TANC2: variants seen among roughly 807,000 people sequenced by gnomAD.
The protein encoded by TANC2 is protein TANC2.
TANC2 carries 26 observed loss-of-function variants against 210.5 expected under a neutral mutation model. The ratio of observed to expected loss-of-function variants is 0.12; its 90% CI spans 0.09 to 0.17. The LOEUF (loss-of-function observed/expected upper bound fraction) is 0.17, where lower values mean the gene tolerates loss of function less well. Ranked by LOEUF, TANC2 falls within the 10% of genes least tolerant of loss-of-function variation. The probability of loss-of-function intolerance (pLI) is 1.00; values close to 1 mark genes in which losing one functional copy is unlikely to be tolerated. For missense variants in TANC2, 2,129 were observed against 2,608.9 expected (o/e 0.82, Z 4.01); for synonymous variants, 931 against 967.1 (o/e 0.96, Z 0.69).
chr17:63,106,357 A>G (rs1393088236), intron 4 of TANC2, among the ~76,000 whole-genome samples: 2 of 151,684 alleles, frequency 1.3e-5, no homozygotes, highest in Non-Finnish European at 2.9e-5. Flanking sequence ...TGAATATAGT[A>G]AAGAATGTTG....
chr17:63,410,860 CAAAAAAAAAAAAAAAA>C (rs34268418), intron 21 of TANC2, among the ~76,000 whole-genome samples: 1 of 38,994 alleles, frequency 2.6e-5, no homozygotes, highest in Non-Finnish European at 4.3e-5. Context: ...GACTCCATCT[CAAAAAAAAAAAAAAAA>C]AAAAAAAAAA....
intron 9 of TANC2, among the ~76,000 whole-genome samples, chr17:63,274,295 G>C (rs1472555049): frequency 6.6e-6 from 1 of 151,962 alleles, no homozygotes; most frequent in African/African-American, 2.4e-5. Context: ...CGGCCCAACG[G>C]GGGAGAGGTC....
intron 2 of TANC2, among the ~76,000 whole-genome samples, chr17:63,012,450 A>G (rs1267929392): frequency 6.6e-6 from 1 of 152,128 alleles, no homozygotes; most frequent in Non-Finnish European, 1.5e-5. Flanking sequence ...TATTTAATTG[A>G]TATGTTTACC....
intron 5 of TANC2, among the ~76,000 whole-genome samples, chr17:63,166,382 A>G (rs1448777530): frequency 6.6e-6 from 1 of 152,184 alleles, no homozygotes; most frequent in African/African-American, 2.4e-5. Context: ...TGTCTAAGTT[A>G]TGTACGATTA....
At chr17:63,044,330 T>C (rs2035298398) in intron 2 of TANC2, among the ~76,000 whole-genome samples, 1 of 152,186 alleles carries the variant, frequency 6.6e-6, no homozygotes, top group African/African-American at 2.4e-5. Flanking sequence ...TTGTTTAGTA[T>C]TGTGTGTTTT....
chr17:63,209,464 C>T (rs558145529), intron 7 of TANC2, among the ~76,000 whole-genome samples: 1 of 152,210 alleles, frequency 6.6e-6, no homozygotes, highest in Admixed American at 6.5e-5. Flanking sequence ...GATGGAGTCT[C>T]ACAGTGTAGC....
intron 4 of TANC2, among the ~76,000 whole-genome samples, chr17:63,114,632 G>A (rs887085110): frequency 3.9e-5 from 6 of 152,018 alleles, no homozygotes; most frequent in African/African-American, 4.8e-5. Context: ...TAGAGATTTC[G>A]TATGTACATC....
chr17:63,129,809 G>A (rs2038851325), intron 4 of TANC2, among the ~76,000 whole-genome samples: 1 of 152,000 alleles, frequency 6.6e-6, no homozygotes, highest in Non-Finnish European at 1.5e-5. Context: ...GAAATTGTGT[G>A]CATATGATGA....
chr17:63,165,183 A>G (rs1401453727), intron 5 of TANC2, among the ~76,000 whole-genome samples: 1 of 151,984 alleles, frequency 6.6e-6, no homozygotes, highest in Non-Finnish European at 1.5e-5. Context: ...CTGAGGCAGG[A>G]GGAACGCTTC....
At chr17:63,054,519 G>A (rs943510997) in intron 2 of TANC2, among the ~76,000 whole-genome samples, 1 of 151,122 alleles carries the variant, frequency 6.6e-6, no homozygotes, top group Non-Finnish European at 1.5e-5. Context: ...TTACAGGCAT[G>A]TGCCACCATG....
intron 5 of TANC2, among the ~76,000 whole-genome samples, chr17:63,162,800 GAAGA>G (rs756304985): frequency 7.9e-5 from 12 of 152,028 alleles, no homozygotes; most frequent in Non-Finnish European, 1.5e-4. Context: ...ATTGAGATTT[GAAGA>G]AAGAGAAGAA....
chr17:63,348,545 G>A (rs768284674), intron 12 of TANC2, among the ~76,000 whole-genome samples: 29 of 152,008 alleles, frequency 1.9e-4, no homozygotes, highest in Non-Finnish European at 3.2e-4. Context: ...AATTTGTATG[G>A]ATGTAGATAT....
chr17:63,023,299 G>A (rs1042656131), intron 2 of TANC2, among the ~76,000 whole-genome samples: 1 of 151,544 alleles, frequency 6.6e-6, no homozygotes, highest in Non-Finnish European at 1.5e-5. Flanking sequence ...TGCCCAACAG[G>A]GGGTATTACC....
intron 15 of TANC2, among the ~76,000 whole-genome samples, chr17:63,385,928 A>G (rs2047763943): frequency 6.6e-6 from 1 of 152,248 alleles, no homozygotes; most frequent in Non-Finnish European, 1.5e-5. Flanking sequence ...GATTTGACCC[A>G]GCCTTTTGGC....
intron 3 of TANC2, among the ~76,000 whole-genome samples, chr17:63,092,349 T>C (rs1303905737): frequency 1.3e-5 from 2 of 152,114 alleles, no homozygotes; most frequent in African/African-American, 4.8e-5. Flanking sequence ...ATATGAGAGC[T>C]GTAGTTCATT....
intron 5 of TANC2, among the ~76,000 whole-genome samples, chr17:63,177,897 T>C (rs1009208655): frequency 6.6e-6 from 1 of 152,226 alleles, no homozygotes; most frequent in Non-Finnish European, 1.5e-5. Flanking sequence ...GAAGTATAAA[T>C]AAACATAACC....
intron 2 of TANC2, among the ~76,000 whole-genome samples, chr17:63,024,366 A>G (rs2034466814): frequency 1.3e-5 from 2 of 152,218 alleles, no homozygotes; most frequent in African/African-American, 4.8e-5. Flanking sequence ...CATATAGGGT[A>G]ACATCCTGTC....
At position 63,412,632 on chromosome 17, in the gene TANC2, A is replaced by AT. The variant is rs754472783; in HGVS notation, c.3899-39dup. 4.6e-4 allele frequency: 628 copies of AT among 1,368,752 alleles called. No individual in the cohort carries two copies. Among genetic ancestry groups the AT allele is most frequent in the Middle Eastern group, 5.5e-4 (3 of 5,494 alleles). 84.8% of individuals were successfully genotyped at this position (1,368,752 alleles called of 1,614,324 possible). A position where few individuals can be genotyped will look rare whatever the true frequency, so the allele number is the denominator to read the frequency against. On this transcript the variant is annotated intron_variant, in intron 23 of 27. Transcript: ENST00000689528. This position sits in a 1 kb window ranked among gnomAD's most constrained non-coding sequence, Gnocchi z 4.2. ...CTTTTTTTTTTTTTCACCTTCATCC[A>AT]TTTTTTTTTCCTCTCCTACAACTTT... is the stretch of plus-strand genomic sequence containing the variant.
intron 9 of TANC2, among the ~76,000 whole-genome samples, chr17:63,290,202 T>A (rs960169674): frequency 1.3e-5 from 2 of 152,184 alleles, no homozygotes; most frequent in African/African-American, 4.8e-5. Context: ...CTGGTTGGGC[T>A]CCTAGAGGTA....
Sources: allele counts gnomAD v4.1 joint callset (sites outside exome capture counted in the v4.1 genomes callset), GRCh38; gene constraint gnomAD v4.1.1; non-coding constraint Gnocchi (gnomAD v3.1); transcripts MANE v1.5; gene names NCBI Gene and HGNC (gene_info 2026-07-23, HGNC 2026-07-21).